The following CSMD3 variants were observed in gnomAD, a reference collection of about 807,000 sequenced individuals.
The protein encoded by CSMD3 is CUB and sushi domain-containing protein 3.
A neutral mutation model predicts 435.2 loss-of-function variants in CSMD3; 177 were observed. The ratio of observed to expected loss-of-function variants is 0.41; its 90% CI spans 0.36 to 0.46. The LOEUF is 0.46. Among genes scored for constraint, CSMD3 ranks in the 20% least tolerant of loss-of-function variants. The probability of loss-of-function intolerance (pLI) is 0.34; values close to 1 mark genes in which losing one functional copy is unlikely to be tolerated. For synonymous variants in CSMD3, 1,656 were observed against 1,520.5 expected (o/e 1.09, Z -2.07); for missense variants, 4,265 against 4,504.6 (o/e 0.95, Z 1.52).
intron 3 of CSMD3, among the ~76,000 whole-genome samples, chr8:113,262,322 T>C (rs1205790129): frequency 1.3e-5 from 2 of 152,092 alleles, no homozygotes; most frequent in Non-Finnish European, 2.9e-5. Context: ...TGTTGATTAA[T>C]TATAAAATGC....
chr8:112,869,008 C>A (rs942568172), intron 10 of CSMD3, among the ~76,000 whole-genome samples: 6 of 151,930 alleles, frequency 3.9e-5, no homozygotes, highest in Non-Finnish European at 8.8e-5. Context: ...GAAAAATAAA[C>A]AAGTGAGTCT....
At chr8:113,300,113 C>T (rs967515370) in intron 2 of CSMD3, among the ~76,000 whole-genome samples, 1 of 144,682 alleles carries the variant, frequency 6.9e-6, no homozygotes, top group Admixed American at 7.3e-5. Flanking sequence ...AATGTGGCAC[C>T]ACTGCACTCC....
At position 112,978,085 on chromosome 8, in the gene CSMD3, T is replaced by C. The variant is rs990440814; in HGVS notation, c.1031-1937A>G. ...TGAGCCTTTTTATTTTTGACAGGAA[T>C]ATGAAATCAGAGTAAAAACTAATGC... is the stretch of plus-strand genomic sequence containing the variant. On this transcript the variant is annotated intron_variant, in intron 6 of 70. Coordinates refer to ENST00000297405, the MANE Select transcript of CSMD3 (RefSeq NM_198123.2). 2.0e-5 allele frequency among the ~76,000 whole-genome samples: 3 copies of C among 152,038 alleles called. 1 individual carries two copies. The highest frequency in any genetic ancestry group is 4.4e-5 in the Non-Finnish European group (3 of 67,982).
chr8:112,974,428 T>G (rs2084770908), intron 7 of CSMD3, among the ~76,000 whole-genome samples: 1 of 151,896 alleles, frequency 6.6e-6, no homozygotes, highest in African/African-American at 2.4e-5. Context: ...AATTTCCAGA[T>G]AGCCTACCAA....
At chr8:113,070,732 C>T (rs544467844) in intron 5 of CSMD3, among the ~76,000 whole-genome samples, 1 of 152,106 alleles carries the variant, frequency 6.6e-6, no homozygotes, top group South Asian at 2.1e-4. Context: ...GCTTATTTCA[C>T]TTAGCATAAT....
intron 36 of CSMD3, among the ~76,000 whole-genome samples, chr8:112,388,009 T>G (rs1429835657): frequency 6.6e-6 from 1 of 152,184 alleles, no homozygotes; most frequent in Non-Finnish European, 1.5e-5. Context: ...GATGGAGAAC[T>G]TAACCTTGTC....
In CSMD3 at chr8:113,382,051, A is replaced by G. The variant is rs191024195; in HGVS notation, c.178+54626T>C. On this transcript the variant is annotated intron_variant, in intron 1 of 70. Coordinates refer to ENST00000297405, the MANE Select transcript of CSMD3 (RefSeq NM_198123.2). ...TATTGCTTGAGAATTTCTGCTTAAA[A>G]CATTTACTCTTATAGATATTACCAT... Among the ~76,000 whole-genome samples, 578 of 152,246 alleles carry G rather than the reference A, an allele frequency of 3.8e-3. 7 individuals carry two copies. Among genetic ancestry groups the G allele is most frequent in the African/African-American group, 0.013 (557 of 41,568 alleles).
chr8:112,851,146 C>G (rs556442498), intron 11 of CSMD3, among the ~76,000 whole-genome samples: 50 of 152,194 alleles, frequency 3.3e-4, no homozygotes, highest in African/African-American at 1.2e-3. Flanking sequence ...CATCAGTGCT[C>G]TCAAGAGCTG....
At chr8:112,367,149 A>T (rs1471043369) in intron 38 of CSMD3, among the ~76,000 whole-genome samples, 2 of 152,114 alleles carry the variant, frequency 1.3e-5, no homozygotes, top group African/African-American at 2.4e-5. Context: ...TAAATATTTA[A>T]AATATATGTA....
intron 53 of CSMD3, among the ~76,000 whole-genome samples, chr8:112,296,542 T>A: frequency 7.0e-6 from 1 of 142,142 alleles, no homozygotes; most frequent in African/African-American, 2.6e-5. Flanking sequence ...AGAGCAAGAC[T>A]CCACCTCAAA....
chr8:112,586,371 GATAAAT>G (rs1563734788), intron 23 of CSMD3, among the ~76,000 whole-genome samples: 2 of 150,896 alleles, frequency 1.3e-5, no homozygotes, highest in Non-Finnish European at 3.0e-5. Flanking sequence ...TTACTCTAAT[GATAAAT>G]ATAAACTATA....
At chr8:113,207,343 ATC>A (rs1263583115) in intron 3 of CSMD3, among the ~76,000 whole-genome samples, 1 of 149,908 alleles carries the variant, frequency 6.7e-6, no homozygotes, top group African/African-American at 2.4e-5. Flanking sequence ...CAAACTTCTG[ATC>A]TTTTTTTCTC....
chr8:112,806,670 C>G (rs976189305), intron 12 of CSMD3, among the ~76,000 whole-genome samples: 1 of 152,154 alleles, frequency 6.6e-6, no homozygotes, highest in Non-Finnish European at 1.5e-5. Flanking sequence ...ACACTAAGCT[C>G]TGATGAATTT....
chr8:113,085,345 T>G (rs915363759), intron 5 of CSMD3, among the ~76,000 whole-genome samples: 4 of 152,058 alleles, frequency 2.6e-5, no homozygotes, highest in Non-Finnish European at 4.4e-5. Context: ...TGTAAATCAC[T>G]ATAGCCATTA....
rs185738758 is a variant in CSMD3 at position 112,724,644 on chromosome 8, G to A, written c.1973-34594C>T. Among the ~76,000 whole-genome samples the A allele has an allele frequency of 3.3e-5, 5 of 152,174 alleles. No individual in the cohort carries two copies. In the East Asian group the frequency reaches 9.6e-4, roughly 29 times the overall value. ...AGAGATTTCAAGAAAGCAGTGGATT[G>A]TCTAGAGGTCCAGCAGCATATTTGG... On this transcript the variant is annotated intron_variant, in intron 13 of 70. Coordinates refer to ENST00000297405, the MANE Select transcript of CSMD3 (RefSeq NM_198123.2).
At chr8:112,324,195 G>GA (rs1823279534) in intron 45 of CSMD3, among the ~76,000 whole-genome samples, 1 of 151,738 alleles carries the variant, frequency 6.6e-6, no homozygotes. Flanking sequence ...AACTTTCCTG[G>GA]GTGCTTTGTA....
intron 6 of CSMD3, among the ~76,000 whole-genome samples, chr8:112,976,911 C>A (rs1163450662): frequency 6.6e-6 from 1 of 151,898 alleles, no homozygotes; most frequent in African/African-American, 2.4e-5. Context: ...CTAGTTTTAA[C>A]AATTGGTTGG....
chr8:112,958,816 G>C (rs1359486877), intron 7 of CSMD3, among the ~76,000 whole-genome samples: 1 of 152,092 alleles, frequency 6.6e-6, no homozygotes, highest in Non-Finnish European at 1.5e-5. Flanking sequence ...AGTGTAACTT[G>C]AGAACATCTG....
chr8:113,284,976 C>T (rs1480435392), intron 2 of CSMD3, among the ~76,000 whole-genome samples: 1 of 152,086 alleles, frequency 6.6e-6, no homozygotes, highest in African/African-American at 2.4e-5. Context: ...AGGTGGTAGG[C>T]AGGTAGTGGA....
Sources: allele counts gnomAD v4.1 joint callset (sites outside exome capture counted in the v4.1 genomes callset), GRCh38; gene constraint gnomAD v4.1.1; transcripts MANE v1.5; gene names NCBI Gene and HGNC (gene_info 2026-07-23, HGNC 2026-07-21).